Variants in CYTH3 observed in about 807,000 individuals in gnomAD.
CYTH3 encodes the protein cytohesin 3, also known as cytohesin-3.
In CYTH3, 23 loss-of-function variants were observed where a neutral mutation model predicts 55.1. The observed-to-expected ratio is 0.42, with a 90% CI of 0.30 to 0.59. The LOEUF is 0.59. Ranked by LOEUF, CYTH3 falls within the 20% of genes least tolerant of loss-of-function variation. CYTH3 has a pLI of 0.20. For synonymous variants in CYTH3, 249 were observed against 194.9 expected (o/e 1.28, Z -2.31); for missense variants, 413 against 524.8 (o/e 0.79, Z 2.08).
At chr7:6,176,483 G>A (rs970737894) in intron 5 of CYTH3, among the ~76,000 whole-genome samples, 3 of 151,800 alleles carry the variant, frequency 2.0e-5, no homozygotes, top group Admixed American at 6.6e-5. Context: ...GGATGGTCTC[G>A]ATCTCCTGAC....
intron 4 of CYTH3, among the ~76,000 whole-genome samples, chr7:6,178,485 T>C (rs1783402328): frequency 6.6e-6 from 1 of 152,210 alleles, no homozygotes; most frequent in Admixed American, 6.5e-5. Flanking sequence ...AGGGAAAGTT[T>C]TTGATTTCCT....
At chr7:6,254,677 T>C (rs1780055789) in intron 1 of CYTH3, among the ~76,000 whole-genome samples, 1 of 152,232 alleles carries the variant, frequency 6.6e-6, no homozygotes, top group Non-Finnish European at 1.5e-5. Flanking sequence ...CTCGAACTCC[T>C]GACCTCAAAC....
intron 1 of CYTH3, among the ~76,000 whole-genome samples, chr7:6,254,472 G>A (rs772166999): frequency 8.5e-5 from 13 of 152,186 alleles, no homozygotes; most frequent in East Asian, 1.9e-4. Flanking sequence ...TTTTTGAGAC[G>A]GAGTCTCGTT....
intron 1 of CYTH3, among the ~76,000 whole-genome samples, chr7:6,258,138 G>T (rs1357864817): frequency 6.6e-6 from 1 of 151,842 alleles, no homozygotes; most frequent in African/African-American, 2.4e-5. Context: ...TCTTTGGTTT[G>T]CTTTTTCTTT....
chr7:6,193,893 C>T (rs1031088473), intron 1 of CYTH3, among the ~76,000 whole-genome samples: 1 of 152,182 alleles, frequency 6.6e-6, no homozygotes, highest in Non-Finnish European at 1.5e-5. Flanking sequence ...ACTGGGCTCC[C>T]CGACTGCAGG....
rs1434864976 is a variant in CYTH3, at chr7:6,270,525, GAAAAT to G, written c.34+1944_34+1948del. On this transcript the variant is annotated intron_variant, in intron 1 of 12. Coordinates refer to ENST00000350796, the MANE Select transcript of CYTH3 (RefSeq NM_004227.4). ...TCCAGAAACCTGGAAAATATAAAAAGAAAATAAAATAATCCATAATGTCACCAATG... is the reference window on the plus strand; with the variant it reads ...TCCAGAAACCTGGAAAATATAAAAAGAAAATAATCCATAATGTCACCAATG... Among the ~76,000 whole-genome samples the G allele has an allele frequency of 3.3e-5, 5 of 152,040 alleles. 1 individual carries two copies. The highest frequency in any genetic ancestry group is 4.1e-4 in the South Asian group (2 of 4,822).
At chr7:6,255,227 A>G (rs1211244130) in intron 1 of CYTH3, among the ~76,000 whole-genome samples, 1 of 152,256 alleles carries the variant, frequency 6.6e-6, no homozygotes, top group East Asian at 1.9e-4. Flanking sequence ...ATATGTCAAT[A>G]CCAAATATTT....
At chr7:6,221,474 G>T (rs80155623) in intron 1 of CYTH3, among the ~76,000 whole-genome samples, 4,583 of 152,256 alleles carry the variant, frequency 0.03, 106 homozygotes, top group Non-Finnish European at 0.04. Flanking sequence ...TGTGGTGATG[G>T]AACAGTTCTG....
At chr7:6,195,924 G>C (rs532057807) in intron 1 of CYTH3, among the ~76,000 whole-genome samples, 15 of 152,304 alleles carry the variant, frequency 9.8e-5, no homozygotes, top group African/African-American at 3.4e-4. Context: ...CGTAGAATAA[G>C]CTCAAGGAGA....
At chr7:6,260,941 T>C (rs1301043848) in intron 1 of CYTH3, among the ~76,000 whole-genome samples, 1 of 152,200 alleles carries the variant, frequency 6.6e-6, no homozygotes, top group Non-Finnish European at 1.5e-5. Context: ...AACAAGTCCA[T>C]TTTAAATAGC....
Position 6,162,147 on chromosome 7 carries a change from A to G in CYTH3, c.*2797T>C, listed in dbSNP as rs1326233842. ...GCACTAAGTGCTGCTCCATCTATAA[A>G]TAGCTCCTATTTTCAGTTTGGTACC... On this transcript the variant is annotated 3_prime_UTR_variant, in exon 13 of 13. Coordinates refer to ENST00000350796, the MANE Select transcript of CYTH3 (RefSeq NM_004227.4). The G allele has an allele frequency of 7.9e-5, 12 of 152,598 alleles. No individual in the cohort carries two copies. The highest frequency in any genetic ancestry group is 2.9e-4 in the African/African-American group (12 of 41,448). 9.5% of individuals were successfully genotyped at this position (152,598 alleles called of 1,614,324 possible). A position where few individuals can be genotyped will look rare whatever the true frequency, so the allele number is the denominator to read the frequency against.
chr7:6,272,275 G>A (rs1423586350), intron 1 of CYTH3, among the ~76,000 whole-genome samples, 199 bp downstream of exon 1: 1 of 151,436 alleles, frequency 6.6e-6, no homozygotes, highest in East Asian at 2.0e-4. Flanking sequence ...GGCGACCCCG[G>A]CCCGCCCCCT....
chr7:6,174,721 G>A (rs1218252420), intron 5 of CYTH3, among the ~76,000 whole-genome samples: 2 of 151,714 alleles, frequency 1.3e-5, no homozygotes, highest in Non-Finnish European at 1.5e-5. Flanking sequence ...CTAATTTTTT[G>A]TATTTTTAGT....
intron 1 of CYTH3, chr7:6,212,574 A>G (rs771113487): frequency 2.6e-5 from 4 of 152,208 alleles, no homozygotes; most frequent in Non-Finnish European, 5.9e-5. Flanking sequence ...AAAGTTCTCA[A>G]GGTTCACCCA....
chr7:6,186,960 C>G, intron 4 of CYTH3, 90 bp downstream of exon 4: 2 of 1,324,192 alleles, frequency 1.5e-6, no homozygotes, highest in Non-Finnish European at 2.2e-6. Context: ...ACAGGGCGGA[C>G]CACCTCTGAC....
intron 1 of CYTH3, among the ~76,000 whole-genome samples, chr7:6,226,464 C>G (rs146753528): frequency 1.3e-5 from 2 of 152,122 alleles, no homozygotes; most frequent in African/African-American, 4.8e-5. Flanking sequence ...TATTTTAGGG[C>G]GAGGCAGGCA....
intron 1 of CYTH3, among the ~76,000 whole-genome samples, chr7:6,270,183 A>C (rs914972637): frequency 7.2e-5 from 11 of 152,244 alleles, no homozygotes; most frequent in Admixed American, 5.2e-4. Flanking sequence ...AAATGTAAGC[A>C]CATAAAGTTT....
intron 4 of CYTH3, among the ~76,000 whole-genome samples, chr7:6,182,715 T>A (rs547723983): frequency 6.6e-6 from 1 of 152,314 alleles, no homozygotes; most frequent in South Asian, 2.1e-4. Flanking sequence ...GGTCTCACTA[T>A]GTTAGGCTGG....
At chr7:6,234,974 T>C (rs567973786) in intron 1 of CYTH3, among the ~76,000 whole-genome samples, 2 of 152,344 alleles carry the variant, frequency 1.3e-5, no homozygotes, top group East Asian at 1.9e-4. Context: ...CTCTGATCCC[T>C]CACTTCAGTG....
Sources: allele counts gnomAD v4.1 joint callset (sites outside exome capture counted in the v4.1 genomes callset), GRCh38; gene constraint gnomAD v4.1.1; transcripts MANE v1.5; gene names NCBI Gene and HGNC (gene_info 2026-07-23, HGNC 2026-07-21).